Variants in CCDC178 observed in about 807,000 individuals in gnomAD.
CCDC178 encodes the protein coiled-coil domain-containing protein 178.
A neutral mutation model predicts 117.4 loss-of-function variants in CCDC178; 126 were observed. That is an observed-to-expected ratio of 1.07 (90% CI 0.93 to 1.24). The LOEUF (loss-of-function observed/expected upper bound fraction) is 1.24, where lower values mean the gene tolerates loss of function less well. CCDC178 is among the 50% of genes most tolerant of loss of function. The probability of loss-of-function intolerance (pLI) is 0.00; values close to 1 mark genes in which losing one functional copy is unlikely to be tolerated. For synonymous variants in CCDC178, 283 were observed against 313.4 expected, an observed-to-expected ratio of 0.90 and a Z score of 1.02; for missense variants, 1,030 against 986.9, an observed-to-expected ratio of 1.04 and a Z score of -0.59.
At chr18:33,251,758 C>T (rs1394086081) in intron 14 of CCDC178, among the ~76,000 whole-genome samples, 1 of 151,614 alleles carries the variant, frequency 6.6e-6, no homozygotes, top group Non-Finnish European at 1.5e-5. Flanking sequence ...TTATCTACTG[C>T]CCCCATATAC....
Position 32,996,948 on chromosome 18 carries a change from G to C in CCDC178, c.2389-22267C>G, listed in dbSNP as rs534630584. Among the ~76,000 whole-genome samples, 12 of 152,196 alleles carry C rather than the reference G, an allele frequency of 7.9e-5. No homozygotes were observed. The South Asian group carries it at 2.5e-3, about 32-fold the overall frequency. On this transcript the variant is annotated intron_variant, in intron 21 of 22. Transcript: ENST00000383096. Reference sequence around the variant, plus strand: ...ATAGATGAATTAGCACAAATGTTAAGTAAAGTTATAGAATAACCAATTCTA... The same window carrying C: ...ATAGATGAATTAGCACAAATGTTAACTAAAGTTATAGAATAACCAATTCTA...
chr18:33,115,743 A>G (rs1487130361), intron 20 of CCDC178, among the ~76,000 whole-genome samples: 2 of 152,020 alleles, frequency 1.3e-5, no homozygotes, highest in Non-Finnish European at 2.9e-5. Context: ...GTAGTTCACT[A>G]TAGACCCCAG....
chr18:33,176,081 G>T (rs1329985051), intron 20 of CCDC178, among the ~76,000 whole-genome samples: 1 of 151,898 alleles, frequency 6.6e-6, no homozygotes, highest in Non-Finnish European at 1.5e-5. Flanking sequence ...CCCTCCTCCA[G>T]CTTCCTATGT....
intron 15 of CCDC178, among the ~76,000 whole-genome samples, chr18:33,227,552 GTGTGTATATA>G (rs1208201104): frequency 2.8e-5 from 2 of 71,168 alleles, no homozygotes; most frequent in African/African-American, 9.7e-5. Flanking sequence ...GTGTGTGTGT[GTGTGTATATA>G]TATATATATA....
intron 5 of CCDC178, among the ~76,000 whole-genome samples, chr18:33,375,265 G>A (rs1046815589): frequency 6.6e-6 from 1 of 152,004 alleles, no homozygotes; most frequent in Admixed American, 6.6e-5. Flanking sequence ...ACTTTCTCTA[G>A]CTTCCTGTTC....
chr18:33,114,289 C>T (rs1292247512), intron 20 of CCDC178, among the ~76,000 whole-genome samples: 1 of 151,966 alleles, frequency 6.6e-6, no homozygotes, highest in Non-Finnish European at 1.5e-5. Context: ...AGAATGTCTG[C>T]AGCACATTCT....
At chr18:33,278,479 A>G (rs1332568575) in intron 12 of CCDC178, among the ~76,000 whole-genome samples, 1 of 151,854 alleles carries the variant, frequency 6.6e-6, no homozygotes, top group Non-Finnish European at 1.5e-5. Context: ...AACTTCAATT[A>G]AAATTGATTG....
At chr18:32,955,021 T>C (rs1473110382) in intron 22 of CCDC178, among the ~76,000 whole-genome samples, 2 of 152,196 alleles carry the variant, frequency 1.3e-5, no homozygotes, top group African/African-American at 2.4e-5. Flanking sequence ...GCTGTCCAAA[T>C]TGAGTTCCTG....
chr18:33,110,208 A>C (rs2057762238), intron 20 of CCDC178, among the ~76,000 whole-genome samples: 1 of 151,296 alleles, frequency 6.6e-6, no homozygotes, highest in African/African-American at 2.4e-5. Flanking sequence ...TTCTGAAGCG[A>C]TTTTCCAGTC....
intron 7 of CCDC178, among the ~76,000 whole-genome samples, chr18:33,355,923 T>C (rs1366377758): frequency 6.6e-6 from 1 of 152,192 alleles, no homozygotes; most frequent in Non-Finnish European, 1.5e-5. Flanking sequence ...GCTCTCTTCA[T>C]AGCTGCCACC....
rs1389447140 is a variant in CCDC178 at position 32,948,483 on chromosome 18, GCA to G, written c.2524-10394_2524-10393del. ...TAGTTTCAACATCCAATCACTGTTA[GCA>G]CATTGATGCTATATTATGCAAACTT... On this transcript the variant is annotated intron_variant, in intron 22 of 22. Coordinates refer to ENST00000383096, the MANE Select transcript of CCDC178 (RefSeq NM_001105528.4). Among the ~76,000 whole-genome samples, 41 of 152,090 alleles carry G rather than the reference GCA, an allele frequency of 2.7e-4. No individual in the cohort carries two copies. In the Middle Eastern group the frequency reaches 0.024, roughly 88 times the overall value.
chr18:33,344,445 T>G (rs902897605), intron 9 of CCDC178, among the ~76,000 whole-genome samples: 1 of 151,826 alleles, frequency 6.6e-6, no homozygotes, highest in Non-Finnish European at 1.5e-5. Flanking sequence ...GATTAAAAGG[T>G]AACCCAACAA....
At chr18:32,961,654 C>T (rs2054705159) in intron 22 of CCDC178, among the ~76,000 whole-genome samples, 1 of 152,162 alleles carries the variant, frequency 6.6e-6, no homozygotes, top group Admixed American at 6.5e-5. Context: ...ATCAGGCATT[C>T]GATTCTCATA....
chr18:33,212,080 C>T, intron 19 of CCDC178, 25 bp from the exon 20 acceptor site: 1 of 1,508,306 alleles, frequency 6.6e-7, no homozygotes, highest in Non-Finnish European at 8.9e-7. Flanking sequence ...TTCCATGTGC[C>T]ACTAATCAAT....
At chr18:33,034,123 C>T (rs2056398511) in intron 21 of CCDC178, among the ~76,000 whole-genome samples, 1 of 152,092 alleles carries the variant, frequency 6.6e-6, no homozygotes, top group Middle Eastern at 3.4e-3. Context: ...TCATCCTAGG[C>T]TCCTTTTCCC....
chr18:33,079,308 C>T (rs572440255), intron 21 of CCDC178, among the ~76,000 whole-genome samples: 1 of 152,076 alleles, frequency 6.6e-6, no homozygotes, highest in South Asian at 2.1e-4. Context: ...ATGCACAATC[C>T]AAACCTATAA....
intron 8 of CCDC178, 44 bp from the exon 9 acceptor site, chr18:33,346,455 A>G: frequency 7.7e-7 from 1 of 1,297,782 alleles, no homozygotes; most frequent in East Asian, 2.3e-5. Flanking sequence ...AAATCAGTCA[A>G]TAAGCTGGAT....
At chr18:33,147,832 C>T (rs544027114) in intron 20 of CCDC178, among the ~76,000 whole-genome samples, 7 of 152,288 alleles carry the variant, frequency 4.6e-5, no homozygotes, top group South Asian at 2.1e-4. Context: ...CTTTTCTATT[C>T]GACAAAACTG....
At chr18:32,983,201 G>T in intron 21 of CCDC178, 2 of 796,060 alleles carry the variant, frequency 2.5e-6, no homozygotes, top group South Asian at 1.6e-5. Flanking sequence ...ACATGGTGGT[G>T]ACAATGTGTG....
Sources: allele counts gnomAD v4.1 joint callset (sites outside exome capture counted in the v4.1 genomes callset), GRCh38; gene constraint gnomAD v4.1.1; transcripts MANE v1.5; gene names NCBI Gene and HGNC (gene_info 2026-07-23, HGNC 2026-07-21).